The following CCDC60 variants were observed in gnomAD, a reference collection of about 807,000 sequenced individuals.
CCDC60 encodes coiled-coil domain containing 60, also known as coiled-coil domain-containing protein 60.
In CCDC60, 54 loss-of-function variants were observed where a neutral mutation model predicts 63.5. The ratio of observed to expected loss-of-function variants is 0.85; its 90% CI spans 0.68 to 1.07. The LOEUF (loss-of-function observed/expected upper bound fraction) is 1.07, where lower values mean the gene tolerates loss of function less well. Ranked by LOEUF, CCDC60 falls within the 50% of genes least tolerant of loss-of-function variation. CCDC60 has a pLI of 0.00. For missense variants in CCDC60, 651 were observed against 684.3 expected, an observed-to-expected ratio of 0.95 and a Z score of 0.54; for synonymous variants, 206 against 238.8, an observed-to-expected ratio of 0.86 and a Z score of 1.27.
At chr12:119,537,345 TG>T (rs1953033151) in intron 13 of CCDC60, among the ~76,000 whole-genome samples, 2 of 152,366 alleles carry the variant, frequency 1.3e-5, no homozygotes, top group African/African-American at 4.8e-5. Context: ...TTCCTTGCAA[TG>T]GGTTCAAACA....
At chr12:119,434,126 A>T (rs902200287) in intron 2 of CCDC60, among the ~76,000 whole-genome samples, 3 of 152,168 alleles carry the variant, frequency 2.0e-5, no homozygotes, top group Non-Finnish European at 4.4e-5. Flanking sequence ...ACAATGATGA[A>T]TTATCCACTC....
At chr12:119,473,373 A>C (rs1261459101) in intron 3 of CCDC60, among the ~76,000 whole-genome samples, 1 of 152,226 alleles carries the variant, frequency 6.6e-6, no homozygotes, top group Non-Finnish European at 1.5e-5. Flanking sequence ...ACATATTAGA[A>C]TCATCTGGCA....
chr12:119,406,764 C>T (rs552137325), intron 1 of CCDC60, among the ~76,000 whole-genome samples: 1 of 151,982 alleles, frequency 6.6e-6, no homozygotes, highest in East Asian at 1.9e-4. Context: ...TCTTGGTGCT[C>T]CAGCCCCACC....
At chr12:119,361,786 C>A (rs1193494304) in intron 1 of CCDC60, among the ~76,000 whole-genome samples, 6 of 152,154 alleles carry the variant, frequency 3.9e-5, no homozygotes, top group Non-Finnish European at 5.9e-5. Context: ...CCAAAATGTG[C>A]ACCAATAAGA....
chr12:119,357,654 A>G (rs763918171), intron 1 of CCDC60, among the ~76,000 whole-genome samples: 3 of 151,974 alleles, frequency 2.0e-5, no homozygotes, highest in Non-Finnish European at 4.4e-5. Context: ...GTTTTTCTCT[A>G]TGTTGGTCAG....
intron 1 of CCDC60, among the ~76,000 whole-genome samples, chr12:119,419,980 C>T (rs950799639): frequency 6.6e-5 from 10 of 150,762 alleles, no homozygotes; most frequent in Non-Finnish European, 1.3e-4. Context: ...GGGTTCACGC[C>T]ATTCTCCTGC....
intron 11 of CCDC60, among the ~76,000 whole-genome samples, chr12:119,528,225 GC>G (rs1952745209): frequency 6.6e-6 from 1 of 152,024 alleles, no homozygotes; most frequent in Non-Finnish European, 1.5e-5. Context: ...AGAGGAACCA[GC>G]ACAAGTTAAC....
chr12:119,480,887 C>G (rs1951298558), intron 4 of CCDC60, among the ~76,000 whole-genome samples: 1 of 144,526 alleles, frequency 6.9e-6, no homozygotes, highest in Non-Finnish European at 1.5e-5. Flanking sequence ...ATCATCATCA[C>G]CACCATCATC....
At chr12:119,490,447 G>A (rs1396730812) in intron 5 of CCDC60, among the ~76,000 whole-genome samples, 1 of 152,064 alleles carries the variant, frequency 6.6e-6, no homozygotes, top group African/African-American at 2.4e-5. Context: ...GGAGACCTGG[G>A]ACCCCTCCAA....
At chr12:119,462,584 A>T (rs1001687837) in intron 2 of CCDC60, among the ~76,000 whole-genome samples, 33 of 152,188 alleles carry the variant, frequency 2.2e-4, no homozygotes, top group African/African-American at 7.7e-4. Flanking sequence ...CCAACTTGTT[A>T]ATTACTACAA....
rs148333538 is a variant in CCDC60, at chr12:119,348,483, T to C, written c.90+13217T>C. 1.1e-4 allele frequency among the ~76,000 whole-genome samples: 16 copies of C among 152,298 alleles called. No homozygotes were observed. In the East Asian group the frequency reaches 2.9e-3, roughly 28 times the overall value. On this transcript the variant is annotated intron_variant, in intron 1 of 13. Transcript: ENST00000327554. ...AAACTCTAGCCAGAGCTGATTGAGTTAGCATCTGGGTCACGGGCTCATTCT... is the reference window on the plus strand; with the variant it reads ...AAACTCTAGCCAGAGCTGATTGAGTCAGCATCTGGGTCACGGGCTCATTCT...
chr12:119,496,461 G>A (rs916863847), intron 5 of CCDC60, among the ~76,000 whole-genome samples: 4 of 152,060 alleles, frequency 2.6e-5, no homozygotes, highest in African/African-American at 4.8e-5. Flanking sequence ...GGAAAATTAC[G>A]GTCTGAAAGT....
At chr12:119,536,029 A>C (rs1593232102) in intron 13 of CCDC60, among the ~76,000 whole-genome samples, 1 of 152,148 alleles carries the variant, frequency 6.6e-6, no homozygotes, top group Non-Finnish European at 1.5e-5. Flanking sequence ...AAAGTCTCCC[A>C]TTATTATTGT....
In CCDC60 at chr12:119,393,475, A is replaced by G. The variant is rs77534676; in HGVS notation, c.91-35208A>G. Among the ~76,000 whole-genome samples, 535 of 152,284 alleles carry G rather than the reference A, an allele frequency of 3.5e-3. 22 individuals are homozygous for G. The East Asian group carries it at 0.072, about 21-fold the overall frequency. The stretch of plus-strand genomic sequence containing the variant: ...CCCGAATTGTATTTATTTTGTCTGC[A>G]TCTCCACCTACGCCCTAGGCTCAAA... On this transcript the variant is annotated intron_variant, in intron 1 of 13. Transcript: ENST00000327554.
Position 119,528,730 on chromosome 12 carries a change from G to A in CCDC60, c.1345G>A (p.Glu449Lys). The A allele has an allele frequency of 6.2e-7, 1 of 1,613,698 alleles. No homozygotes were observed. The highest frequency in any genetic ancestry group is 8.5e-7 in the Non-Finnish European group (1 of 1,179,834). ...ATCTGTAGTAAAAGGAGATGCAGAA[G>A]AAATTGCAGACCACTGGTAAATATC... ...HISVVKGDAEEIADHWYFDLL... is the reference protein window; with the variant it reads ...HISVVKGDAEKIADHWYFDLL... Residue 449 changes from glutamate to lysine, a missense_variant, in exon 12 of 14, where the codon GAA becomes AAA. Transcript: ENST00000327554.
chr12:119,482,330 C>CTAT lies in CCDC60; in HGVS notation c.449+3148_449+3150dup, dbSNP rs752211483. Among the ~76,000 whole-genome samples, 246 of 151,082 alleles carry CTAT rather than the reference C, an allele frequency of 1.6e-3. 1 individual carries two copies. Among genetic ancestry groups the CTAT allele is most frequent in the Admixed American group, 4.9e-3 (74 of 15,142 alleles). On this transcript the variant is annotated intron_variant, in intron 4 of 13. Transcript: ENST00000327554. The stretch of plus-strand genomic sequence containing the variant: ...ACCAGGTTTGTTACATAGGCTATTA[C>CTAT]TATTATTATTATTATTATTATCACA...
At chr12:119,421,741 G>C (rs570055385) in intron 1 of CCDC60, among the ~76,000 whole-genome samples, 1 of 152,198 alleles carries the variant, frequency 6.6e-6, no homozygotes, top group South Asian at 2.1e-4. Flanking sequence ...CCTCACTCAA[G>C]GTCACTGAAC....
In CCDC60 at chr12:119,355,593, G is replaced by A. The variant is rs115991086; in HGVS notation, c.90+20327G>A. 8.1e-3 allele frequency among the ~76,000 whole-genome samples: 1,229 copies of A among 152,280 alleles called. 15 individuals are homozygous for A. The highest frequency in any genetic ancestry group is 0.028 in the African/African-American group (1,171 of 41,522). ...GGGAGGGTTCTTGGCTTTGCCCAGG[G>A]AAGAATTCAAGGTCAAGCTGGTAAT... On this transcript the variant is annotated intron_variant, in intron 1 of 13. Transcript: ENST00000327554.
At chr12:119,451,387 C>T (rs1002707891) in intron 2 of CCDC60, among the ~76,000 whole-genome samples, 3 of 151,900 alleles carry the variant, frequency 2.0e-5, no homozygotes, top group African/African-American at 7.3e-5. Flanking sequence ...ATCCAGAGAC[C>T]CCCACCCAGC....
Sources: gnomAD v4.1 joint callset for allele counts (sites outside exome capture counted in the v4.1 genomes callset) on GRCh38, gnomAD v4.1.1 for gene constraint, MANE v1.5 for transcripts, NCBI Gene and HGNC (gene_info 2026-07-23, HGNC 2026-07-21) for gene names.